Variants in COL26A1 observed in about 807,000 individuals in gnomAD.
The protein encoded by COL26A1 is collagen alpha-1(XXVI) chain.
COL26A1 carries 41 observed loss-of-function variants against 59.3 expected under a neutral mutation model. That is an observed-to-expected ratio of 0.69 (90% CI 0.54 to 0.90). The LOEUF is 0.90. COL26A1 is among the 40% of genes least tolerant of loss of function. COL26A1 has a pLI of 0.00. For synonymous variants in COL26A1, 266 were observed against 256.0 expected, an observed-to-expected ratio of 1.04 and a Z score of -0.37; for missense variants, 612 against 602.3, an observed-to-expected ratio of 1.02 and a Z score of -0.17.
At chr7:101,365,436 G>GT (rs1017568934) in intron 1 of COL26A1, among the ~76,000 whole-genome samples, 57 of 151,750 alleles carry the variant, frequency 3.8e-4, no homozygotes, top group African/African-American at 1.1e-3. Context: ...TGGTTTCTGT[G>GT]TTTTTTTTGA....
intron 2 of COL26A1, among the ~76,000 whole-genome samples, chr7:101,426,182 C>T (rs956342151): frequency 1.1e-4 from 16 of 152,010 alleles, no homozygotes; most frequent in East Asian, 7.7e-4. Flanking sequence ...CAAGAGTCTG[C>T]GTGCTGGGTA....
chr7:101,370,960 C>A (rs1426480824), intron 1 of COL26A1, among the ~76,000 whole-genome samples: 1 of 95,852 alleles, frequency 1.0e-5, no homozygotes. Context: ...TTCTAGAACT[C>A]ACTTCCCCAG....
intron 1 of COL26A1, among the ~76,000 whole-genome samples, chr7:101,367,579 C>A (rs557607833): frequency 6.6e-6 from 1 of 151,178 alleles, no homozygotes; most frequent in African/African-American, 2.4e-5. Context: ...GCACTAAAAT[C>A]GCTTAAGCCC....
At chr7:101,394,717 C>G (rs1791813908) in intron 1 of COL26A1, among the ~76,000 whole-genome samples, 1 of 151,074 alleles carries the variant, frequency 6.6e-6, no homozygotes, top group South Asian at 2.1e-4. Context: ...GCTGCTGCGC[C>G]CGGCCAACCA....
intron 2 of COL26A1, among the ~76,000 whole-genome samples, chr7:101,433,095 G>C (rs1792820400): frequency 6.6e-6 from 1 of 152,150 alleles, no homozygotes; most frequent in South Asian, 2.1e-4. Flanking sequence ...GGCTGAGATG[G>C]GTGGATCGCT....
intron 3 of COL26A1, among the ~76,000 whole-genome samples, chr7:101,515,989 T>G (rs1334618734): frequency 6.6e-6 from 1 of 152,182 alleles, no homozygotes; most frequent in Non-Finnish European, 1.5e-5. Flanking sequence ...GGGGGATGCT[T>G]TGTAACGCAT....
chr7:101,520,477 G>A (rs1795116978), intron 3 of COL26A1, among the ~76,000 whole-genome samples: 1 of 152,104 alleles, frequency 6.6e-6, no homozygotes, highest in Admixed American at 6.6e-5. Flanking sequence ...TTGCGGCCAG[G>A]AGACGCGACC....
At chr7:101,467,616 C>G (rs529553303) in intron 3 of COL26A1, among the ~76,000 whole-genome samples, 1 of 150,082 alleles carries the variant, frequency 6.7e-6, no homozygotes, top group South Asian at 2.1e-4. Flanking sequence ...GCCTGTAATC[C>G]CAGCACTTTG....
At chr7:101,434,847 A>G (rs1269829070) in intron 2 of COL26A1, among the ~76,000 whole-genome samples, 2 of 152,164 alleles carry the variant, frequency 1.3e-5, no homozygotes, top group Non-Finnish European at 2.9e-5. Context: ...GCCAGGAACT[A>G]GTGTGTAGAG....
chr7:101,421,932 A>G (rs1033134840), intron 2 of COL26A1, among the ~76,000 whole-genome samples: 3 of 152,126 alleles, frequency 2.0e-5, no homozygotes, highest in Non-Finnish European at 2.9e-5. Context: ...TGAGACCCCT[A>G]TTGCATACAA....
At chr7:101,411,365 C>T (rs1385548335) in intron 1 of COL26A1, among the ~76,000 whole-genome samples, 2 of 151,888 alleles carry the variant, frequency 1.3e-5, no homozygotes, top group Non-Finnish European at 2.9e-5. Flanking sequence ...GCGGGAGGGA[C>T]ACGGCCACGT....
At chr7:101,437,460 G>A (rs375233866) in intron 2 of COL26A1, among the ~76,000 whole-genome samples, 2 of 151,444 alleles carry the variant, frequency 1.3e-5, no homozygotes, top group African/African-American at 4.9e-5. Flanking sequence ...GCGGAGTTCT[G>A]AATGGGGGCG....
intron 2 of COL26A1, among the ~76,000 whole-genome samples, chr7:101,436,872 T>C (rs1442478512): frequency 1.3e-5 from 2 of 152,100 alleles, no homozygotes; most frequent in Non-Finnish European, 2.9e-5. Flanking sequence ...TGCACAACCA[T>C]GCCTGGCTAA....
intron 11 of COL26A1, 135 bp from the exon 12 acceptor site, chr7:101,555,652 T>G (rs1382198617): frequency 3.3e-6 from 2 of 606,722 alleles, no homozygotes; most frequent in Non-Finnish European, 5.9e-6. Flanking sequence ...TATGCTTATT[T>G]GCAGTGGTGA....
In COL26A1 at chr7:101,454,228, T is replaced by A. The variant is rs921086458; in HGVS notation, c.385+6441T>A. 3.3e-5 allele frequency among the ~76,000 whole-genome samples: 5 copies of A among 151,548 alleles called. No homozygotes were observed. In the Admixed American group the frequency reaches 3.3e-4, roughly 10 times the overall value. Reference sequence around the variant, plus strand: ...TTCCCTCTCAAACTGCAAAGAAGTGTCCTGTTCTTTTCTTTTTTTCCTTTC... The same window carrying A: ...TTCCCTCTCAAACTGCAAAGAAGTGACCTGTTCTTTTCTTTTTTTCCTTTC... On this transcript the variant is annotated intron_variant, in intron 3 of 12. Transcript: ENST00000313669.
chr7:101,495,478 G>A (rs765342939), intron 3 of COL26A1, among the ~76,000 whole-genome samples: 3 of 151,520 alleles, frequency 2.0e-5, no homozygotes, highest in African/African-American at 7.3e-5. Context: ...GCATGATCTC[G>A]GCTTACTGCA....
At chr7:101,471,553 T>TTGA in intron 3 of COL26A1, among the ~76,000 whole-genome samples, 1 of 150,096 alleles carries the variant, frequency 6.7e-6, no homozygotes, top group African/African-American at 2.5e-5. Flanking sequence ...TAATGTTTTG[T>TTGA]TGTTGTTGTT....
At chr7:101,474,469 G>A (rs1196716060) in intron 3 of COL26A1, among the ~76,000 whole-genome samples, 1 of 152,024 alleles carries the variant, frequency 6.6e-6, no homozygotes, top group African/African-American at 2.4e-5. Flanking sequence ...TCACACACCT[G>A]TAGACTCAGC....
intron 2 of COL26A1, among the ~76,000 whole-genome samples, chr7:101,430,955 C>G (rs987298337): frequency 6.6e-6 from 1 of 151,854 alleles, no homozygotes. Context: ...CCACCATGCC[C>G]GCTAATTTTT....
Sources: gnomAD v4.1 joint callset for allele counts (sites outside exome capture counted in the v4.1 genomes callset) on GRCh38, gnomAD v4.1.1 for gene constraint, MANE v1.5 for transcripts, NCBI Gene and HGNC (gene_info 2026-07-23, HGNC 2026-07-21) for gene names.